The following CLMN variants were observed in gnomAD, a reference collection of about 807,000 sequenced individuals.
The protein encoded by CLMN is calmin, also known as calmin (calponin-like, transmembrane).
Under a neutral mutation model 92.7 loss-of-function variants are expected in CLMN, and 57 were observed. That is an observed-to-expected ratio of 0.61 (90% CI 0.50 to 0.77). The LOEUF is 0.77. Ranked by LOEUF, CLMN falls within the 30% of genes least tolerant of loss-of-function variation. CLMN has a pLI of 0.00. For missense variants in CLMN, 1,158 were observed against 1,237.5 expected (o/e 0.94, Z 0.96); for synonymous variants, 466 against 470.6 (o/e 0.99, Z 0.13).
chr14:95,193,748 T>C lies in CLMN; in HGVS notation c.2840+101A>G. 2.2e-6 allele frequency: 3 copies of C among 1,375,720 alleles called. No homozygotes were observed. The South Asian group carries it at 3.9e-5, about 18-fold the overall frequency. The allele number at this position is 1,375,720 out of a possible 1,614,324, so 85.2% of individuals were successfully genotyped here. A position where few individuals can be genotyped will look rare whatever the true frequency, so the allele number is the denominator to read the frequency against. On this transcript the variant is annotated intron_variant, in intron 12 of 12. Coordinates refer to ENST00000298912, the MANE Select transcript of CLMN (RefSeq NM_024734.4). ...TTATCCCAAATTATTAATACTGTTA[T>C]CAACAAAGCAGTGGGAGAATAACCA...
chr14:95,213,899 T>A (rs565225601), intron 5 of CLMN, among the ~76,000 whole-genome samples: 1 of 152,286 alleles, frequency 6.6e-6, no homozygotes, highest in South Asian at 2.1e-4. Flanking sequence ...AATCAGAATC[T>A]GTTTCAATAC....
Position 95,194,542 on chromosome 14 carries a change from C to T in CLMN, c.2763G>A (p.Ser921=), listed in dbSNP as rs777760476. ...IYLRRHTHRS[S]ESDHFSYVQL... ...AAGAAATTCACATACTAACCGATTC[C>T]GAAGACCTATGAGTATGTCGTCGAA... The change falls in exon 11 of 13, where the codon TCG becomes TCA. Residue 921 remains serine, a synonymous_variant. Transcript: ENST00000298912. The surrounding 1 kb of genome is among the most constrained non-coding windows in gnomAD (Gnocchi z 4.0). The T allele has an allele frequency of 1.8e-5, 29 of 1,613,982 alleles. No individual in the cohort carries two copies. Among genetic ancestry groups the T allele is most frequent in the East Asian group, 2.2e-5 (1 of 44,878 alleles).
chr14:95,200,265 C>T (rs989443793), intron 9 of CLMN, among the ~76,000 whole-genome samples: 10 of 152,200 alleles, frequency 6.6e-5, no homozygotes, highest in Non-Finnish European at 5.9e-5. Flanking sequence ...AATCCCTTCG[C>T]TGGGCCCATC....
chr14:95,312,119 C>G (rs1031762933), intron 1 of CLMN, among the ~76,000 whole-genome samples: 12 of 152,130 alleles, frequency 7.9e-5, no homozygotes, highest in African/African-American at 2.9e-4. Flanking sequence ...AAATGTCCCC[C>G]TCAAGACTGG....
intron 2 of CLMN, among the ~76,000 whole-genome samples, chr14:95,227,743 A>G (rs1287349334): frequency 6.6e-6 from 1 of 152,208 alleles, no homozygotes; most frequent in Non-Finnish European, 1.5e-5. Flanking sequence ...TGAGATTGGT[A>G]TGGCCGAATA....
At chr14:95,291,684 A>G (rs572216052) in intron 1 of CLMN, among the ~76,000 whole-genome samples, 6 of 152,268 alleles carry the variant, frequency 3.9e-5, no homozygotes, top group South Asian at 2.1e-4. Context: ...CTGTGACCCA[A>G]TATTTCCACA....
intron 1 of CLMN, among the ~76,000 whole-genome samples, chr14:95,277,698 G>C (rs1899988638): frequency 6.6e-6 from 1 of 152,140 alleles, no homozygotes; most frequent in Non-Finnish European, 1.5e-5. Flanking sequence ...CACGATCTTG[G>C]CTCACTGCAA....
At chr14:95,303,023 C>A (rs1191977511) in intron 1 of CLMN, among the ~76,000 whole-genome samples, 2 of 152,142 alleles carry the variant, frequency 1.3e-5, no homozygotes, top group Non-Finnish European at 1.5e-5. Flanking sequence ...AAGAGTGTTT[C>A]CACAGTGCTC....
At chr14:95,245,903 A>AATGGATGGATGG (rs61217941) in intron 1 of CLMN, among the ~76,000 whole-genome samples, 114 of 148,322 alleles carry the variant, frequency 7.7e-4, no homozygotes, top group South Asian at 4.9e-3. Context: ...CACACGGATG[A>AATGGATGGATGG]ATGGATGGAT....
rs865917043 is a variant in CLMN at position 95,183,648 on chromosome 14, G to C, written c.*7916C>G. ...TAGAGGTGCAGAGATGAGCAGCTGG[G>C]GGCAGGATGTATAGTTAATTGGAGG... On this transcript the variant is annotated 3_prime_UTR_variant, in exon 13 of 13. Coordinates refer to ENST00000298912, the MANE Select transcript of CLMN (RefSeq NM_024734.4). 35 of 152,174 alleles carry C rather than the reference G, an allele frequency of 2.3e-4. No homozygotes were observed. Among genetic ancestry groups the C allele is most frequent in the African/African-American group, 8.2e-4 (34 of 41,430 alleles). 9.4% of individuals were successfully genotyped at this position (152,174 alleles called of 1,614,324 possible).
chr14:95,255,500 G>GA (rs1375764099), intron 1 of CLMN, among the ~76,000 whole-genome samples: 2 of 152,108 alleles, frequency 1.3e-5, no homozygotes, highest in African/African-American at 4.8e-5. Flanking sequence ...GTATGTGCAG[G>GA]AAAAAGCATA....
At position 95,305,149 on chromosome 14, in the gene CLMN, C is replaced by T. The variant is rs146673426; in HGVS notation, c.82+14562G>A. Among the ~76,000 whole-genome samples, 308 of 152,358 alleles carry T rather than the reference C, an allele frequency of 2.0e-3. 2 individuals carry two copies. Among genetic ancestry groups the T allele is most frequent in the African/African-American group, 7.3e-3 (302 of 41,576 alleles). ...GCCAGGCCCTCTCTAAGCCCTTCACCTCCAGTAACTCATGCAATTAGTGCA... is the reference window on the plus strand; with the variant it reads ...GCCAGGCCCTCTCTAAGCCCTTCACTTCCAGTAACTCATGCAATTAGTGCA... On this transcript the variant is annotated intron_variant, in intron 1 of 12. Transcript: ENST00000298912.
chr14:95,193,150 A>T (rs1195442367), intron 12 of CLMN: 12 of 552,800 alleles, frequency 2.2e-5, no homozygotes, highest in Admixed American at 6.6e-5. Context: ...AAAATTTTTT[A>T]AAAATAAAAA....
chr14:95,220,325 C>T (rs1489203689), intron 4 of CLMN, among the ~76,000 whole-genome samples: 1 of 152,028 alleles, frequency 6.6e-6, no homozygotes, highest in African/African-American at 2.4e-5. Flanking sequence ...TATAGCTCCC[C>T]ACGACCGTGC....
chr14:95,295,932 A>C (rs183452964), intron 1 of CLMN, among the ~76,000 whole-genome samples: 368 of 152,354 alleles, frequency 2.4e-3, no homozygotes, highest in African/African-American at 8.4e-3. Flanking sequence ...ACAAATTGCC[A>C]CAAATGTGGT....
rs147853586 is a variant in CLMN at position 95,259,957 on chromosome 14, G to C, written c.83-29824C>G. 2.5e-3 allele frequency among the ~76,000 whole-genome samples: 380 copies of C among 152,206 alleles called. No individual in the cohort carries two copies. Among genetic ancestry groups the C allele is most frequent in the African/African-American group, 8.7e-3 (360 of 41,512 alleles). On this transcript the variant is annotated intron_variant, in intron 1 of 12. Transcript: ENST00000298912. The surrounding 1 kb of genome is among the most constrained non-coding windows in gnomAD (Gnocchi z 4.3). ...TCCTGCTGTCTGGCACTCTCTCCCTGCACTTCTCCACCTGCTCGTCAAATT... is the reference window on the plus strand; with the variant it reads ...TCCTGCTGTCTGGCACTCTCTCCCTCCACTTCTCCACCTGCTCGTCAAATT...
At chr14:95,236,802 G>A (rs981469489) in intron 1 of CLMN, among the ~76,000 whole-genome samples, 2 of 152,136 alleles carry the variant, frequency 1.3e-5, no homozygotes, top group African/African-American at 4.8e-5. Flanking sequence ...TGTACAACAG[G>A]GATCATGGTA....
Position 95,191,421 on chromosome 14 carries a change from AC to A in CLMN, c.*142del. The stretch of plus-strand genomic sequence containing the variant: ...AAGGAAACCTGAAAAAAAAAAAAAA[AC>A]CACAATAGCGAGAAAGGGGGTCTAA... On this transcript the variant is annotated 3_prime_UTR_variant, in exon 13 of 13. Coordinates refer to ENST00000298912, the MANE Select transcript of CLMN (RefSeq NM_024734.4). The surrounding 1 kb of genome is among the most constrained non-coding windows in gnomAD (Gnocchi z 5.3). 3 of 483,558 alleles carry A rather than the reference AC, an allele frequency of 6.2e-6. No homozygotes were observed. The highest frequency in any genetic ancestry group is 6.7e-5 in the South Asian group (1 of 14,924). 30.0% of individuals were successfully genotyped at this position (483,558 alleles called of 1,614,324 possible). A position where few individuals can be genotyped will look rare whatever the true frequency, so the allele number is the denominator to read the frequency against.
chr14:95,289,038 G>T lies in CLMN; in HGVS notation c.82+30673C>A, dbSNP rs117673349. Among the ~76,000 whole-genome samples the T allele has an allele frequency of 2.9e-3, 438 of 152,320 alleles. 1 individual carries two copies. The highest frequency in any genetic ancestry group is 4.4e-3 in the Non-Finnish European group (297 of 68,028). On this transcript the variant is annotated intron_variant, in intron 1 of 12. Transcript: ENST00000298912. ...ATCACAATAGGGGTTACCGCTGGAG[G>T]TAGGTATCACTGGGAGGGGCACAGA... is the stretch of plus-strand genomic sequence containing the variant.
Sources: allele counts gnomAD v4.1 joint callset (sites outside exome capture counted in the v4.1 genomes callset), GRCh38; gene constraint gnomAD v4.1.1; non-coding constraint Gnocchi (gnomAD v3.1); transcripts MANE v1.5; gene names NCBI Gene and HGNC (gene_info 2026-07-23, HGNC 2026-07-21).